Variants in SNAPC1 observed in about 807,000 individuals in gnomAD.
SNAPC1 encodes the protein small nuclear RNA activating complex polypeptide 1, also known as snRNA-activating protein complex subunit 1.
In SNAPC1, 42 loss-of-function variants were observed where a neutral mutation model predicts 50.1. The ratio of observed to expected loss-of-function variants is 0.84; its 90% CI spans 0.65 to 1.08. SNAPC1 has a LOEUF of 1.08. SNAPC1 is among the 50% of genes least tolerant of loss of function. The probability of loss-of-function intolerance (pLI) is 0.00; values close to 1 mark genes in which losing one functional copy is unlikely to be tolerated. For missense variants in SNAPC1, 477 were observed against 427.3 expected (o/e 1.12, Z -1.02); for synonymous variants, 164 against 144.2 (o/e 1.14, Z -0.98).
chr14:61,784,463 T>A (rs1594650475), intron 8 of SNAPC1, among the ~76,000 whole-genome samples: 3 of 148,116 alleles, frequency 2.0e-5, no homozygotes, highest in African/African-American at 7.4e-5. Context: ...ATTCTTGATT[T>A]AAAAAAAAAA....
At chr14:61,777,211 C>T (rs999078137) in intron 5 of SNAPC1, among the ~76,000 whole-genome samples, 2 of 135,646 alleles carry the variant, frequency 1.5e-5, no homozygotes, top group African/African-American at 2.9e-5. Flanking sequence ...AAAAGATAAA[C>T]AAGGAAACTG....
At chr14:61,780,869 T>C (rs762875185) in intron 7 of SNAPC1, among the ~76,000 whole-genome samples, 3 of 150,254 alleles carry the variant, frequency 2.0e-5, no homozygotes, top group South Asian at 2.1e-4. Context: ...ATTGAACCAA[T>C]TGTGGATTGA....
At chr14:61,792,500 G>T (rs1486453621) in intron 8 of SNAPC1, among the ~76,000 whole-genome samples, 1 of 152,166 alleles carries the variant, frequency 6.6e-6, no homozygotes, top group Non-Finnish European at 1.5e-5. Context: ...GATGGCTGCA[G>T]ATATAACCCC....
At chr14:61,790,712 C>T (rs949526563) in intron 8 of SNAPC1, among the ~76,000 whole-genome samples, 2 of 152,070 alleles carry the variant, frequency 1.3e-5, no homozygotes, top group African/African-American at 4.8e-5. Flanking sequence ...AGAACTGAGA[C>T]TGGAACGAGT....
At position 61,778,227 on chromosome 14, in the gene SNAPC1, TA is replaced by T. The variant is rs563336838; in HGVS notation, c.762+89del. On this transcript the variant is annotated intron_variant, in intron 6 of 9. Coordinates refer to ENST00000216294, the MANE Select transcript of SNAPC1 (RefSeq NM_003082.4). Reference sequence around the variant, plus strand: ...CCCATGGTCAGTATTATAAGACATATAAGAGAAAATTCTGAATCATGCTTCT... The same window carrying T: ...CCCATGGTCAGTATTATAAGACATATAGAGAAAATTCTGAATCATGCTTCT... The T allele has an allele frequency of 2.7e-4, 194 of 720,326 alleles. 1 individual carries two copies. In the African/African-American group the frequency reaches 3.1e-3, roughly 11 times the overall value. The allele number at this position is 720,326 out of a possible 1,614,324, so 44.6% of individuals were successfully genotyped here.
intron 4 of SNAPC1, among the ~76,000 whole-genome samples, chr14:61,770,153 C>G (rs999365293): frequency 1.3e-5 from 2 of 151,974 alleles, no homozygotes; most frequent in East Asian, 3.8e-4. Flanking sequence ...CAGCCCTACT[C>G]AGTCTTTTCT....
intron 1 of SNAPC1, among the ~76,000 whole-genome samples, chr14:61,765,392 G>GTACCT (rs1268755119): frequency 2.0e-5 from 3 of 152,188 alleles, no homozygotes; most frequent in Admixed American, 6.5e-5. Flanking sequence ...TGCGCCCAAG[G>GTACCT]TGGTCAGGGC....
At chr14:61,768,028 C>T (rs2044961660) in intron 3 of SNAPC1, among the ~76,000 whole-genome samples, 1 of 152,238 alleles carries the variant, frequency 6.6e-6, no homozygotes, top group African/African-American at 2.4e-5. Flanking sequence ...GATCCACCCG[C>T]CTCAGCCTCC....
chr14:61,791,330 T>G (rs1343608974), intron 8 of SNAPC1, among the ~76,000 whole-genome samples: 6 of 152,212 alleles, frequency 3.9e-5, no homozygotes, highest in Admixed American at 3.9e-4. Context: ...TTTTAAAAAT[T>G]TAATTATTTT....
In SNAPC1 at chr14:61,762,586, C is replaced by G. The variant is rs757744375; in HGVS notation, c.126C>G (p.Phe42Leu). Reference sequence around the variant, plus strand: ...GAAACATGAAGTTCGGGACTATCTTCTGGTGGGTGTTTCTTGTCCACCACC... The same window carrying G: ...GAAACATGAAGTTCGGGACTATCTTGTGGTGGGTGTTTCTTGTCCACCACC... ...LWRNMKFGTI[F>L]CGRMRNLEKN... Residue 42 changes from phenylalanine to leucine, a missense_variant and splice_region_variant, in exon 1 of 10, where the codon TTC becomes TTG. Physicochemically the swap from Phe to Leu is conservative, Grantham distance 22. Transcript: ENST00000216294. The G allele has an allele frequency of 1.9e-6, 3 of 1,613,180 alleles. No homozygotes were observed. The Admixed American group carries it at 5.0e-5, about 27-fold the overall frequency.
intron 7 of SNAPC1, 126 bp downstream of exon 7, chr14:61,779,036 A>G (rs2045053913): frequency 1.7e-6 from 1 of 572,340 alleles, no homozygotes. Flanking sequence ...GAGATTATAT[A>G]GCACAACAGT....
intron 8 of SNAPC1, among the ~76,000 whole-genome samples, chr14:61,790,604 T>C (rs1046335741): frequency 2.0e-5 from 3 of 152,222 alleles, no homozygotes; most frequent in Admixed American, 6.5e-5. Context: ...CCTAAAGTGC[T>C]GAGATTACAG....
At chr14:61,774,165 C>CTT (rs377461957) in intron 4 of SNAPC1, among the ~76,000 whole-genome samples, 7 of 136,406 alleles carry the variant, frequency 5.1e-5, no homozygotes, top group East Asian at 4.2e-4. Flanking sequence ...TTTTCTTCTT[C>CTT]TTTTTTTTTT....
intron 1 of SNAPC1, 128 bp downstream of exon 1, chr14:61,762,716 G>C (rs7151978): frequency 0.33 from 348,337 of 1,043,734 alleles, 59,187 homozygotes; most frequent in African/African-American, 0.46. Context: ...TTGCCTCCAT[G>C]ACTCCTGGAC....
chr14:61,778,950 C>T, intron 7 of SNAPC1, 40 bp downstream of exon 7: 1 of 1,105,386 alleles, frequency 9.0e-7, no homozygotes, highest in Non-Finnish European at 1.3e-6. Context: ...AAATTGACTG[C>T]TTTTTAAATT....
chr14:61,790,852 C>A (rs534334139), intron 8 of SNAPC1, among the ~76,000 whole-genome samples: 11 of 152,168 alleles, frequency 7.2e-5, no homozygotes, highest in Non-Finnish European at 1.3e-4. Flanking sequence ...TTCTAGCTGC[C>A]TGACTAGTAA....
At chr14:61,785,091 A>G in intron 8 of SNAPC1, among the ~76,000 whole-genome samples, 1 of 152,206 alleles carries the variant, frequency 6.6e-6, no homozygotes, top group East Asian at 1.9e-4. Flanking sequence ...AAATAAAATG[A>G]ATAAATTTAT....
At chr14:61,793,178 T>G (rs772013328) in intron 9 of SNAPC1, among the ~76,000 whole-genome samples, 2 of 152,238 alleles carry the variant, frequency 1.3e-5, no homozygotes, top group Non-Finnish European at 2.9e-5. Flanking sequence ...TGCTTTCATC[T>G]GGACAGTGTT....
intron 1 of SNAPC1, among the ~76,000 whole-genome samples, chr14:61,763,437 T>C (rs181516667): frequency 0.011 from 1,627 of 151,516 alleles, 14 homozygotes; most frequent in Middle Eastern, 0.031. Context: ...TCTCTCCAGC[T>C]TCGCCTGCCA....
Sources: gnomAD v4.1 joint callset for allele counts (sites outside exome capture counted in the v4.1 genomes callset) on GRCh38, gnomAD v4.1.1 for gene constraint, MANE v1.5 for transcripts, NCBI Gene and HGNC (gene_info 2026-07-23, HGNC 2026-07-21) for gene names.